The following ZFHX3 variants were observed in gnomAD, a reference collection of about 807,000 sequenced individuals.
The protein encoded by ZFHX3 is zinc finger homeobox 3.
A neutral mutation model predicts 279.1 loss-of-function variants in ZFHX3; 42 were observed. The ratio of observed to expected loss-of-function variants is 0.15; its 90% CI spans 0.12 to 0.19. ZFHX3 has a LOEUF of 0.19. Among genes scored for constraint, ZFHX3 ranks in the 10% least tolerant of loss-of-function variants. The pLI is 1.00. For missense variants in ZFHX3, 4,981 were observed against 4,754.0 expected, an observed-to-expected ratio of 1.05 and a Z score of -1.40; for synonymous variants, 2,293 against 1,957.8, an observed-to-expected ratio of 1.17 and a Z score of -4.52.
intron 1 of ZFHX3, among the ~76,000 whole-genome samples, chr16:73,792,629 A>T (rs1597117748): frequency 6.6e-6 from 1 of 152,310 alleles, no homozygotes; most frequent in East Asian, 1.9e-4. Flanking sequence ...TTAAGTTAAA[A>T]GGGTGAAATT....
At chr16:73,308,762 T>A (rs552093483) in intron 4 of ZFHX3, among the ~76,000 whole-genome samples, 3 of 150,920 alleles carry the variant, frequency 2.0e-5, no homozygotes, top group Non-Finnish European at 3.0e-5. Context: ...AGTATTAGAC[T>A]TTTTTTTTCC....
chr16:73,493,097 C>T (rs188484280), intron 2 of ZFHX3, among the ~76,000 whole-genome samples: 24 of 151,964 alleles, frequency 1.6e-4, no homozygotes, highest in African/African-American at 3.4e-4. Context: ...GAAGTCTGCC[C>T]GTATCCACCT....
rs561116746 is a variant in ZFHX3, at chr16:73,296,161, G to C, written c.-1194+22079C>G. 5.3e-4 allele frequency among the ~76,000 whole-genome samples: 81 copies of C among 151,870 alleles called. 1 individual carries two copies. The South Asian group carries it at 0.014, about 27-fold the overall frequency. On this transcript the variant is annotated intron_variant, in intron 4 of 17. Coordinates refer to the ZFHX3 transcript ENST00000641206. ...CATATTCTGTTTGGAAATAATGTAG[G>C]CAATTGTTTCATATTAACAGCTAAC...
chr16:73,491,969 G>A (rs2019063395), intron 2 of ZFHX3, among the ~76,000 whole-genome samples: 1 of 152,164 alleles, frequency 6.6e-6, no homozygotes, highest in Non-Finnish European at 1.5e-5. Flanking sequence ...TGCCCATTGA[G>A]TGCTTTTCAA....
At chr16:73,528,663 C>T (rs939401375) in intron 2 of ZFHX3, among the ~76,000 whole-genome samples, 1 of 152,316 alleles carries the variant, frequency 6.6e-6, no homozygotes, top group East Asian at 1.9e-4. Context: ...TACATTAATG[C>T]TAAGGAAATG....
At chr16:73,412,614 GC>G (rs2017493289) in intron 3 of ZFHX3, among the ~76,000 whole-genome samples, 1 of 152,152 alleles carries the variant, frequency 6.6e-6, no homozygotes, top group African/African-American at 2.4e-5. Flanking sequence ...ACTGCCGATG[GC>G]CTGAGAGAAG....
intron 2 of ZFHX3, among the ~76,000 whole-genome samples, chr16:73,492,980 T>C (rs751358659): frequency 3.3e-5 from 5 of 152,230 alleles, no homozygotes; most frequent in Non-Finnish European, 4.4e-5. Flanking sequence ...TAAAGTATTA[T>C]ATACATTTTA....
At chr16:73,336,601 T>G (rs73587790) in intron 3 of ZFHX3, among the ~76,000 whole-genome samples, 2 of 152,096 alleles carry the variant, frequency 1.3e-5, no homozygotes, top group African/African-American at 4.8e-5. Flanking sequence ...TAGTTCATGG[T>G]GTATACGTGC....
chr16:73,352,281 A>T (rs1002522812), intron 3 of ZFHX3, among the ~76,000 whole-genome samples: 2 of 152,148 alleles, frequency 1.3e-5, no homozygotes, highest in African/African-American at 4.8e-5. Context: ...GTGGAGTTGA[A>T]TTAAAGTGAT....
At chr16:73,473,221 C>T (rs1032128943) in intron 2 of ZFHX3, among the ~76,000 whole-genome samples, 1 of 151,228 alleles carries the variant, frequency 6.6e-6, no homozygotes, top group African/African-American at 2.4e-5. Context: ...TCTGTGGTTC[C>T]AGCTACTCAG....
At chr16:72,939,403 C>T (rs898450528) in intron 3 of ZFHX3, among the ~76,000 whole-genome samples, 1 of 152,206 alleles carries the variant, frequency 6.6e-6, no homozygotes, top group African/African-American at 2.4e-5. Context: ...AAGACATGTT[C>T]TAAAGCTAGA....
At chr16:72,941,796 C>T (rs1045615681) in intron 3 of ZFHX3, among the ~76,000 whole-genome samples, 4 of 152,128 alleles carry the variant, frequency 2.6e-5, no homozygotes, top group Admixed American at 6.5e-5. Flanking sequence ...TTTCTACAGT[C>T]GCCAGTATTT....
chr16:73,307,958 C>G (rs2015221516), intron 4 of ZFHX3, among the ~76,000 whole-genome samples: 1 of 151,952 alleles, frequency 6.6e-6, no homozygotes, highest in African/African-American at 2.4e-5. Context: ...TTCTGTAGGA[C>G]CAGCACTCAC....
intron 4 of ZFHX3, among the ~76,000 whole-genome samples, chr16:73,278,628 C>T (rs1385110864): frequency 6.6e-6 from 1 of 152,224 alleles, no homozygotes; most frequent in African/African-American, 2.4e-5. Context: ...TATCTGTCCC[C>T]ACCCACGTTC....
intron 5 of ZFHX3, among the ~76,000 whole-genome samples, chr16:72,815,164 T>C (rs1232159536): frequency 1.3e-5 from 2 of 152,192 alleles, no homozygotes; most frequent in East Asian, 1.9e-4. Flanking sequence ...TCCTAGCACT[T>C]TGGAAGGCTG....
At chr16:73,200,172 A>G (rs547618633) in intron 5 of ZFHX3, among the ~76,000 whole-genome samples, 6 of 152,302 alleles carry the variant, frequency 3.9e-5, no homozygotes, top group African/African-American at 1.4e-4. Flanking sequence ...AAAAATGAAT[A>G]TCTTATGCAG....
intron 5 of ZFHX3, among the ~76,000 whole-genome samples, chr16:73,252,399 G>C (rs113229128): frequency 4.1e-4 from 63 of 152,314 alleles, no homozygotes; most frequent in African/African-American, 1.5e-3. Flanking sequence ...AAGCAGAACA[G>C]GTAGAGCAGT....
intron 1 of ZFHX3, among the ~76,000 whole-genome samples, chr16:73,745,858 G>C (rs1035896550): frequency 6.6e-5 from 10 of 152,044 alleles, no homozygotes; most frequent in African/African-American, 2.2e-4. Flanking sequence ...AGTTGGATTA[G>C]TCTTCTCTTC....
chr16:73,286,302 G>A (rs72797371), intron 4 of ZFHX3, among the ~76,000 whole-genome samples: 11,204 of 152,206 alleles, frequency 0.074, 492 homozygotes, highest in South Asian at 0.21. Flanking sequence ...TTTCAAAGCT[G>A]CACAAAAATC....
Sources: allele counts gnomAD v4.1 joint callset (sites outside exome capture counted in the v4.1 genomes callset), GRCh38; gene constraint gnomAD v4.1.1; transcripts MANE v1.5; gene names NCBI Gene and HGNC (gene_info 2026-07-23, HGNC 2026-07-21).